Variants in ZNF653 observed in about 807,000 individuals in gnomAD.
The protein encoded by ZNF653 is zinc finger protein 653, also known as 67 kDa zinc finger protein.
ZNF653 carries 37 observed loss-of-function variants against 59.9 expected under a neutral mutation model. The ratio of observed to expected loss-of-function variants is 0.62; its 90% confidence interval spans 0.48 to 0.81. ZNF653 has a LOEUF of 0.81. Among genes scored for constraint, ZNF653 ranks in the 40% least tolerant of loss-of-function variants. The pLI, the probability that ZNF653 is intolerant of heterozygous loss-of-function variation, is 0.00. For synonymous variants in ZNF653, 435 were observed against 371.8 expected, an observed-to-expected ratio of 1.17 and a Z score of -1.96; for missense variants, 808 against 881.1, an observed-to-expected ratio of 0.92 and a Z score of 1.05.
chr19:11,489,647 G>C (rs952175124), intron 3 of ZNF653, among the ~76,000 whole-genome samples: 1 of 152,170 alleles, frequency 6.6e-6, no homozygotes, highest in East Asian at 1.9e-4. Context: ...GTTGGTATTT[G>C]TTGAGGGCTC....
At chr19:11,490,543 T>C (rs866886553) in intron 3 of ZNF653, among the ~76,000 whole-genome samples, 68 of 152,110 alleles carry the variant, frequency 4.5e-4, no homozygotes, top group Non-Finnish European at 7.6e-4. Context: ...CACGCCACCA[T>C]GTCAGGCTAA....
At position 11,505,807 on chromosome 19, in the gene ZNF653, G is replaced by C; in HGVS notation, c.-21C>G. ...GCCATCCCCCCCACCCTGGTTACCA[G>C]CCTCCCCCGTTGTTAGGAGCCAGAC... is the stretch of plus-strand genomic sequence containing the variant. On this transcript the variant is annotated 5_prime_UTR_variant, in exon 1 of 9. Coordinates refer to ENST00000293771, the MANE Select transcript of ZNF653 (RefSeq NM_138783.4). The C allele has an allele frequency of 7.5e-7, 1 of 1,336,172 alleles. No individual in the cohort carries two copies. The highest frequency in any genetic ancestry group is 9.6e-7 in the Non-Finnish European group (1 of 1,047,004). 82.8% of individuals were successfully genotyped at this position (1,336,172 alleles called of 1,614,324 possible). A position where few individuals can be genotyped will look rare whatever the true frequency, so the allele number is the denominator to read the frequency against.
intron 1 of ZNF653, chr19:11,504,483 T>C: frequency 1.0e-6 from 1 of 982,286 alleles, no homozygotes; most frequent in Non-Finnish European, 1.2e-6. Context: ...CACCAGAATG[T>C]CCGCTCCATG....
chr19:11,505,496 G>C lies in ZNF653; in HGVS notation c.291C>G (p.Gly97=). ...LISLERGQRS[G]RHGKPWEQVP... is the part of the protein sequence containing the mutation. ...GGGCCAGGCCCCCTCACCCGTGGCG[G>C]CCGCTCCGCTGGCCGCGCTCCAGAG... Residue 97 remains glycine, a synonymous_variant, in exon 1 of 9, where the codon GGC becomes GGG. Transcript: ENST00000293771. 1 of 1,487,310 alleles carries C rather than the reference G, an allele frequency of 6.7e-7. No homozygotes were observed. The highest frequency in any genetic ancestry group is 8.8e-7 in the Non-Finnish European group (1 of 1,131,444). The allele number at this position is 1,487,310 out of a possible 1,614,324, so 92.1% of individuals were successfully genotyped here.
chr19:11,487,050 C>A lies in ZNF653; in HGVS notation c.1280G>T (p.Gly427Val). The change falls in exon 5 of 9, where the codon GGG (glycine) becomes GTG (valine). Residue 427 changes from glycine to valine, a missense_variant. Gly to Val is a moderately radical substitution (Grantham distance 109, BLOSUM62 -3). Transcript: ENST00000293771. This position sits in a 1 kb window ranked among gnomAD's most constrained non-coding sequence, Gnocchi z 5.1. ...CATGTCGCTGCCGTCCAGCTCCTCC[C>A]CGTCCGCCTCTGCCTCAGGCTCTGC... The part of the protein sequence containing the change: ...ESAEPEAEAD[G>V]EELDGSDMSA... 1 of 1,614,182 alleles carries A rather than the reference C, an allele frequency of 6.2e-7. No homozygotes were observed. Among genetic ancestry groups the A allele is most frequent in the Non-Finnish European group, 8.5e-7 (1 of 1,180,020 alleles).
intron 1 of ZNF653, among the ~76,000 whole-genome samples, chr19:11,503,716 G>A (rs1252904574): frequency 6.6e-6 from 1 of 152,136 alleles, no homozygotes; most frequent in South Asian, 2.1e-4. Flanking sequence ...TGAGGCAGGA[G>A]GATCCCTTGA....
At chr19:11,498,403 G>A in intron 1 of ZNF653, 64 bp from the exon 2 acceptor site, 11 of 1,604,972 alleles carry the variant, frequency 6.9e-6, no homozygotes, top group Middle Eastern at 1.7e-4. Context: ...TGACCCATGA[G>A]TAACAACAGT....
intron 1 of ZNF653, 141 bp downstream of exon 1, chr19:11,505,347 G>C (rs538774457): frequency 4.6e-6 from 4 of 870,428 alleles, no homozygotes; most frequent in South Asian, 4.5e-5. Context: ...CAGGCAGTAC[G>C]AGACCCAGGC....
Position 11,495,949 on chromosome 19 carries a change from C to T in ZNF653, c.559+1G>A. 6.2e-7 allele frequency: 1 copy of T among 1,613,850 alleles called. No homozygotes were observed. The highest frequency in any genetic ancestry group is 2.2e-5 in the East Asian group (1 of 44,886). ...TATGTGCCCTCGCCCTGCAGACCTACCTTTGTCACTGTCAGGGTCTGAGTC... is the reference window on the plus strand; with the variant it reads ...TATGTGCCCTCGCCCTGCAGACCTATCTTTGTCACTGTCAGGGTCTGAGTC... On this transcript the variant is annotated splice_donor_variant, in intron 3 of 8. Coordinates refer to ENST00000293771, the MANE Select transcript of ZNF653 (RefSeq NM_138783.4). LOFTEE classifies it high-confidence loss of function. The surrounding 1 kb of genome is among the most constrained non-coding windows in gnomAD (Gnocchi z 4.9).
At position 11,498,155 on chromosome 19, in the gene ZNF653, C is replaced by T. The variant is rs73922663; in HGVS notation, c.343+141G>A. Reference sequence around the variant, plus strand: ...GACACTGCGCCTGAGACACAAGACACGCAGACCCGGGTTTGAGGTCGGGCT... The same window carrying T: ...GACACTGCGCCTGAGACACAAGACATGCAGACCCGGGTTTGAGGTCGGGCT... On this transcript the variant is annotated intron_variant, in intron 2 of 8. Coordinates refer to ENST00000293771, the MANE Select transcript of ZNF653 (RefSeq NM_138783.4). The T allele has an allele frequency of 1.7e-3, 1,842 of 1,098,086 alleles. 21 individuals are homozygous for T. The African/African-American group carries it at 0.026, about 15-fold the overall frequency. The allele number at this position is 1,098,086 out of a possible 1,614,324, so 68.0% of individuals were successfully genotyped here.
Position 11,483,856 on chromosome 19 carries a change from G to A in ZNF653, c.1674C>T (p.Cys558=), listed in dbSNP as rs1242417865. The A allele has an allele frequency of 5.5e-6, 8 of 1,455,698 alleles. No individual in the cohort carries two copies. Among genetic ancestry groups the A allele is most frequent in the Non-Finnish European group, 6.4e-6 (7 of 1,088,410 alleles). 90.2% of individuals were successfully genotyped at this position (1,455,698 alleles called of 1,614,324 possible). ...GCCGGCACTGGTAGCCACAGATCTC[G>A]CACCTGCCGGGAGCCCGTGGCGGGA... ...RTHTGETPLQ[C]EICGYQCRQR... Residue 558 remains cysteine (C), a synonymous_variant, in exon 9 of 9, where the codon TGC becomes TGT. Transcript: ENST00000293771.
chr19:11,496,282 C>T (rs934993140), intron 2 of ZNF653, 117 bp from the exon 3 acceptor site: 23 of 951,998 alleles, frequency 2.4e-5, no homozygotes, highest in Non-Finnish European at 3.3e-5. Flanking sequence ...CTCCTGAGTA[C>T]CATCCAGGCC....
intron 2 of ZNF653, 152 bp from the exon 3 acceptor site, chr19:11,496,317 T>C: frequency 9.2e-6 from 7 of 762,356 alleles, no homozygotes; most frequent in South Asian, 7.2e-5. Context: ...AGGGGGAAAC[T>C]GAGGCTCAGA....
intron 1 of ZNF653, among the ~76,000 whole-genome samples, chr19:11,499,611 T>TAAAA (rs764982889): frequency 8.8e-6 from 1 of 113,036 alleles, no homozygotes. Context: ...TTTATACAAT[T>TAAAA]AAAAAAAAAA....
At chr19:11,492,263 G>A (rs946614048) in intron 3 of ZNF653, among the ~76,000 whole-genome samples, 3 of 151,602 alleles carry the variant, frequency 2.0e-5, no homozygotes, top group South Asian at 2.1e-4. Context: ...GACAGGCTGC[G>A]AACTCCTGAC....
rs1599572246 is a variant in ZNF653, at chr19:11,505,749, T to G, written c.38A>C (p.Glu13Ala). 6 of 1,394,256 alleles carry G rather than the reference T, an allele frequency of 4.3e-6. No individual in the cohort carries two copies. The highest frequency in any genetic ancestry group is 2.5e-4 in the Middle Eastern group (1 of 3,928). 86.4% of individuals were successfully genotyped at this position (1,394,256 alleles called of 1,614,324 possible). The change falls in exon 1 of 9, where the codon GAG (glutamate) becomes GCG (alanine). Residue 13 changes from glutamate to alanine, a missense_variant. Physicochemically the swap from Glu to Ala is moderately radical, Grantham distance 107. Transcript: ENST00000293771. ...ERALEPEAEA[E>A]AEAGAGGEAA... Reference sequence around the variant, plus strand: ...CTCCCCGCCCGCGCCCGCCTCAGCCTCCGCCTCCGCCTCGGGCTCTAGCGC... The same window carrying G: ...CTCCCCGCCCGCGCCCGCCTCAGCCGCCGCCTCCGCCTCGGGCTCTAGCGC...
chr19:11,504,042 C>A (rs1230401688), intron 1 of ZNF653, among the ~76,000 whole-genome samples: 1 of 152,146 alleles, frequency 6.6e-6, no homozygotes, highest in Non-Finnish European at 1.5e-5. Flanking sequence ...GAGGTTGAGG[C>A]TGCAGTAAGC....
At chr19:11,499,748 CA>C (rs1344978801) in intron 1 of ZNF653, among the ~76,000 whole-genome samples, 2 of 151,796 alleles carry the variant, frequency 1.3e-5, no homozygotes, top group Admixed American at 1.3e-4. Context: ...CCCATCTCCA[CA>C]AAAAATACAG....
chr19:11,486,252 C>A (rs1204714628), intron 6 of ZNF653, among the ~76,000 whole-genome samples: 2 of 152,214 alleles, frequency 1.3e-5, no homozygotes, highest in African/African-American at 4.8e-5. Flanking sequence ...AGCCACCGCA[C>A]CTGGCCAAGG....
Sources: allele counts gnomAD v4.1 joint callset (sites outside exome capture counted in the v4.1 genomes callset), GRCh38; gene constraint gnomAD v4.1.1; non-coding constraint Gnocchi (gnomAD v3.1); transcripts MANE v1.5; gene names NCBI Gene and HGNC (gene_info 2026-07-23, HGNC 2026-07-21).